Variants in SPOP observed in about 807,000 individuals in gnomAD.
The protein encoded by SPOP is speckle-type POZ protein.
SPOP carries 11 observed loss-of-function variants against 45.6 expected under a neutral mutation model. The ratio of observed to expected loss-of-function variants is 0.24; its 90% confidence interval spans 0.15 to 0.40. SPOP has a LOEUF of 0.40. Among genes scored for constraint, SPOP ranks in the 10% least tolerant of loss-of-function variants. SPOP has a pLI of 1.00. For missense variants in SPOP, 152 were observed against 465.6 expected (o/e 0.33, Z 6.20); for synonymous variants, 166 against 166.3 (o/e 1.00, Z 0.01).
intron 1 of SPOP, among the ~76,000 whole-genome samples, chr17:49,652,543 C>T (rs1358090138): frequency 6.6e-6 from 1 of 152,124 alleles, no homozygotes; most frequent in Non-Finnish European, 1.5e-5. Flanking sequence ...TGTTCAAGAA[C>T]TTAAGAGTTT....
intron 1 of SPOP, among the ~76,000 whole-genome samples, chr17:49,674,294 T>A (rs963135553): frequency 1.3e-5 from 2 of 152,222 alleles, no homozygotes; most frequent in Non-Finnish European, 2.9e-5. Context: ...AGTTCTTCTT[T>A]AAATGTTTGG....
intron 1 of SPOP, chr17:49,676,114 ACTAC>A (rs1271192971): frequency 6.6e-6 from 1 of 152,248 alleles, no homozygotes; most frequent in Non-Finnish European, 1.5e-5. Flanking sequence ...ACTTCTAGAT[ACTAC>A]CTAAGTAATA....
intron 1 of SPOP, among the ~76,000 whole-genome samples, chr17:49,631,896 C>A (rs1177221802): frequency 6.6e-6 from 1 of 152,170 alleles, no homozygotes; most frequent in African/African-American, 2.4e-5. Flanking sequence ...CCACTTCTAG[C>A]CTATTCCTCT....
chr17:49,678,124 G>C (rs1047187388), upstream of SPOP: 1 of 395,512 alleles, frequency 2.5e-6, no homozygotes, highest in Non-Finnish European at 4.5e-6. Context: ...GACGCAGCCA[G>C]CGCGTACCGC....
At chr17:49,616,483 T>A (rs537837197) in intron 5 of SPOP, among the ~76,000 whole-genome samples, 24 of 152,076 alleles carry the variant, frequency 1.6e-4, no homozygotes, top group Admixed American at 2.0e-4. Flanking sequence ...AATGTAAATA[T>A]GAATTAAAAC....
Position 49,618,161 on chromosome 17 carries a change from C to T in SPOP, c.480+820G>A, listed in dbSNP as rs141956576. On this transcript the variant is annotated intron_variant, in intron 5 of 9. Transcript: ENST00000504102. ...TGATACACTGTTTATTATTATCAAG[C>T]GGTGCTGCTCAGGAAGTGGTTCCTC... is the stretch of plus-strand genomic sequence containing the variant. Among the ~76,000 whole-genome samples the T allele has an allele frequency of 1.1e-4, 17 of 152,166 alleles. No individual in the cohort carries two copies. The East Asian group carries it at 2.5e-3, about 22-fold the overall frequency.
intron 1 of SPOP, among the ~76,000 whole-genome samples, chr17:49,645,851 G>A (rs1018482655): frequency 6.0e-5 from 9 of 148,800 alleles, no homozygotes; most frequent in South Asian, 4.3e-4. Flanking sequence ...CTTCCTTGAC[G>A]TTTCCCATCT....
intron 1 of SPOP, among the ~76,000 whole-genome samples, chr17:49,658,200 A>G (rs1396291232): frequency 2.0e-5 from 3 of 152,188 alleles, no homozygotes. Context: ...TTTTTTATAG[A>G]TATAAATATC....
Position 49,627,843 on chromosome 17 carries a change from C to T in SPOP, c.-66-4967G>A, listed in dbSNP as rs554250938. Among the ~76,000 whole-genome samples, 168 of 152,242 alleles carry T rather than the reference C, an allele frequency of 1.1e-3. 1 individual carries two copies. The highest frequency in any genetic ancestry group is 3.9e-3 in the African/African-American group (161 of 41,550). On this transcript the variant is annotated intron_variant, in intron 1 of 9. Transcript: ENST00000504102. The stretch of plus-strand genomic sequence containing the variant: ...TCTTCTAATTTTTAAAAATCTCTAA[C>T]CTCACAGCCAGCAGAACTGGAGAAT...
intron 1 of SPOP, among the ~76,000 whole-genome samples, chr17:49,644,991 T>G (rs1191955064): frequency 6.6e-6 from 1 of 152,218 alleles, no homozygotes; most frequent in African/African-American, 2.4e-5. Context: ...TTTCTTTTTT[T>G]AAGCTTTTCA....
intron 8 of SPOP, among the ~76,000 whole-genome samples, chr17:49,606,002 AT>A (rs1302257186): frequency 2.0e-5 from 3 of 151,776 alleles, no homozygotes; most frequent in African/African-American, 4.9e-5. Flanking sequence ...AAAAAAAAAA[AT>A]AAACAAACAA....
rs1376887359 is a variant in SPOP, at chr17:49,671,049, G to GA, written c.-67+6883dup. ...TTTATTCTGTGTGCCTTTCATCTTA[G>GA]AAAAAAACAAGTTTGCTCATGAGAG... On this transcript the variant is annotated intron_variant, in intron 1 of 9. Coordinates refer to ENST00000504102, the MANE Select transcript of SPOP (RefSeq NM_001007228.2). Among the ~76,000 whole-genome samples, 5 of 151,880 alleles carry GA rather than the reference G, an allele frequency of 3.3e-5. No individual in the cohort carries two copies. In the East Asian group the frequency reaches 9.7e-4, roughly 29 times the overall value.
chr17:49,644,053 A>T (rs757007613), intron 1 of SPOP, among the ~76,000 whole-genome samples: 2 of 151,924 alleles, frequency 1.3e-5, no homozygotes, highest in Admixed American at 6.6e-5. Context: ...ACATGAGACA[A>T]CAGAAATGCA....
At chr17:49,667,779 G>GA (rs1343765881) in intron 1 of SPOP, among the ~76,000 whole-genome samples, 23 of 152,072 alleles carry the variant, frequency 1.5e-4, no homozygotes, top group Admixed American at 1.5e-3. Context: ...GCAGGGTCTC[G>GA]AAAAGATGTT....
chr17:49,674,586 T>C (rs758344541), intron 1 of SPOP, among the ~76,000 whole-genome samples: 5 of 152,246 alleles, frequency 3.3e-5, no homozygotes, highest in Non-Finnish European at 7.3e-5. Context: ...TAAAAAATGC[T>C]AGTACCAGTA....
intron 1 of SPOP, among the ~76,000 whole-genome samples, chr17:49,663,050 G>A (rs1459369592): frequency 2.0e-5 from 3 of 152,240 alleles, no homozygotes; most frequent in Admixed American, 2.0e-4. Context: ...GAGCAATAAT[G>A]GGTAAAACTG....
intron 1 of SPOP, among the ~76,000 whole-genome samples, chr17:49,625,783 CA>C: frequency 6.6e-6 from 1 of 151,936 alleles, no homozygotes; most frequent in Non-Finnish European, 1.5e-5. Context: ...ACAACAACAA[CA>C]ACAAAAAACA....
At chr17:49,641,788 G>T (rs768478810) in intron 1 of SPOP, among the ~76,000 whole-genome samples, 1 of 152,076 alleles carries the variant, frequency 6.6e-6, no homozygotes, top group African/African-American at 2.4e-5. Flanking sequence ...TTGGGAGGCC[G>T]AGGTGGGTGG....
At chr17:49,639,990 C>T (rs1417571193) in intron 1 of SPOP, among the ~76,000 whole-genome samples, 2 of 152,160 alleles carry the variant, frequency 1.3e-5, no homozygotes, top group Admixed American at 6.5e-5. Context: ...TGGCTCACGC[C>T]TGTAATTCGA....
Sources: allele counts gnomAD v4.1 joint callset (sites outside exome capture counted in the v4.1 genomes callset), GRCh38; gene constraint gnomAD v4.1.1; transcripts MANE v1.5; gene names NCBI Gene and HGNC (gene_info 2026-07-23, HGNC 2026-07-21).